ANKRD45: variants seen among roughly 807,000 people sequenced by gnomAD.
ANKRD45 encodes the protein ankyrin repeat domain 45.
Under a neutral mutation model 28.1 loss-of-function variants are expected in ANKRD45, and 21 were observed. That is an observed-to-expected ratio of 0.75 (90% CI 0.53 to 1.08). ANKRD45 has a LOEUF of 1.08. Ranked by LOEUF, ANKRD45 falls within the 50% of genes least tolerant of loss-of-function variation. The probability of loss-of-function intolerance (pLI) is 0.00; values close to 1 mark genes in which losing one functional copy is unlikely to be tolerated. For missense variants in ANKRD45, 261 were observed against 308.7 expected (o/e 0.85, Z 1.16); for synonymous variants, 86 against 103.9 (o/e 0.83, Z 1.05).
chr1:173,637,005 A>C, intron 3 of ANKRD45: 6 of 1,534,792 alleles, frequency 3.9e-6, no homozygotes, highest in Non-Finnish European at 5.2e-6. Flanking sequence ...TTAAAGAAGA[A>C]GAGTAAAGAA....
chr1:173,633,117 T>G (rs1037383802), intron 3 of ANKRD45, among the ~76,000 whole-genome samples: 3 of 151,894 alleles, frequency 2.0e-5, no homozygotes, highest in Non-Finnish European at 4.4e-5. Context: ...ACCAAACAAT[T>G]ATTAGAACTG....
chr1:173,627,156 G>A lies in ANKRD45; in HGVS notation c.500C>T (p.Ala167Val). Residue 167 changes from alanine (A) to valine (V), a missense_variant, in exon 4 of 6, where the codon GCA becomes GTA. Coordinates refer to ENST00000333279, the MANE Select transcript of ANKRD45 (RefSeq NM_198493.3). ...AATATATTTTTTCAGAGTCAGCCTT[G>A]CATCTGAAAGAATGGACAGAAACAC... is the stretch of plus-strand genomic sequence containing the variant. ...ECVEFLDWAD[A>V]RLTLKKYIAK... 2 of 1,604,686 alleles carry A rather than the reference G, an allele frequency of 1.2e-6. No individual in the cohort carries two copies. Among genetic ancestry groups the A allele is most frequent in the South Asian group, 2.2e-5 (2 of 90,826 alleles).
the ANKRD45 span, chr1:173,675,369 T>C: frequency 3.2e-6 from 1 of 312,812 alleles, no homozygotes; most frequent in Non-Finnish European, 6.3e-6. Flanking sequence ...TCCCAGCACT[T>C]TGGGAGGCCG....
chr1:173,713,958 C>A, the ANKRD45 span, among the ~76,000 whole-genome samples: 1 of 152,168 alleles, frequency 6.6e-6, no homozygotes, highest in African/African-American at 2.4e-5. Flanking sequence ...TCATCTGTAT[C>A]TGGGCAGCAG....
At chr1:173,611,277 C>A (rs2102304908) in intron 5 of ANKRD45, among the ~76,000 whole-genome samples, 2 of 152,248 alleles carry the variant, frequency 1.3e-5, no homozygotes, top group East Asian at 3.9e-4. Context: ...GATGCTTTAT[C>A]TTTATACTTA....
the ANKRD45 span, among the ~76,000 whole-genome samples, chr1:173,707,364 G>C: frequency 6.7e-6 from 1 of 150,012 alleles, no homozygotes; most frequent in Non-Finnish European, 1.5e-5. Context: ...ACAAAGCCTT[G>C]CTCTATCACC....
In ANKRD45 at chr1:173,659,152, T is replaced by C; in HGVS notation, c.267A>G (p.Gln89=). 6.2e-7 allele frequency: 1 copy of C among 1,614,168 alleles called. No individual in the cohort carries two copies. Among genetic ancestry groups the C allele is most frequent in the Non-Finnish European group, 8.5e-7 (1 of 1,180,018 alleles). Residue 89 remains glutamine (Q), a synonymous_variant, in exon 2 of 6, where the codon CAA becomes CAG. Transcript: ENST00000333279. Reference sequence around the variant, plus strand: ...TTGCCAAAGCTCTAATCACGTCACTTTGCCCAGCCATGCAAGCTGCATACA... The same window carrying C: ...TTGCCAAAGCTCTAATCACGTCACTCTGCCCAGCCATGCAAGCTGCATACA... ...NLLYAACMAG[Q]SDVIRALAKY... is the part of the protein sequence containing the mutation.
the ANKRD45 span, among the ~76,000 whole-genome samples, chr1:173,693,068 G>T: frequency 1.6e-4 from 24 of 152,264 alleles, 1 homozygote; most frequent in African/African-American, 3.9e-4. Context: ...GGGGGGCCGG[G>T]GGGGTGGATC....
the ANKRD45 span, among the ~76,000 whole-genome samples, chr1:173,687,836 C>T: frequency 6.6e-6 from 1 of 152,076 alleles, no homozygotes; most frequent in Non-Finnish European, 1.5e-5. Flanking sequence ...GTGTCTTCTT[C>T]CCTCAATCAC....
the ANKRD45 span, among the ~76,000 whole-genome samples, chr1:173,677,329 T>C: frequency 6.6e-6 from 1 of 152,288 alleles, no homozygotes; most frequent in Middle Eastern, 3.4e-3. Flanking sequence ...TCATAAGCTA[T>C]AACTTCCATA....
the ANKRD45 span, chr1:173,675,212 T>TA: frequency 1.9e-4 from 41 of 218,192 alleles, no homozygotes; most frequent in East Asian, 5.2e-4. Flanking sequence ...CGCAGGGCTT[T>TA]AAAAAAAAGT....
the ANKRD45 span, among the ~76,000 whole-genome samples, chr1:173,698,092 T>C: frequency 6.6e-6 from 1 of 151,978 alleles, no homozygotes; most frequent in Admixed American, 6.6e-5. Flanking sequence ...GGTAAAGGGA[T>C]CAATTCAACA....
chr1:173,611,020 G>A (rs182270059), intron 5 of ANKRD45, among the ~76,000 whole-genome samples: 17 of 152,102 alleles, frequency 1.1e-4, no homozygotes, highest in South Asian at 8.3e-4. Flanking sequence ...AAATAAAGCC[G>A]AAACTTCTAA....
chr1:173,627,023 T>C (rs2102327896), intron 4 of ANKRD45, 42 bp downstream of exon 4: 1 of 1,435,136 alleles, frequency 7.0e-7, no homozygotes, highest in Non-Finnish European at 9.6e-7. Context: ...AAGACAAAAT[T>C]CTCAAAACAC....
chr1:173,626,356 T>C (rs766699633), intron 4 of ANKRD45, among the ~76,000 whole-genome samples: 44 of 152,224 alleles, frequency 2.9e-4, no homozygotes, highest in African/African-American at 1.1e-3. Context: ...TGCTTAGATC[T>C]AGTACTTAGA....
chr1:173,673,545 A>G (rs1163652384), upstream of ANKRD45, among the ~76,000 whole-genome samples: 5 of 152,128 alleles, frequency 3.3e-5, no homozygotes, highest in Non-Finnish European at 7.3e-5. Flanking sequence ...TTGAAAGCCT[A>G]TTATATGCTG....
intron 2 of ANKRD45, among the ~76,000 whole-genome samples, chr1:173,654,255 T>C (rs902378530): frequency 1.3e-5 from 2 of 152,212 alleles, no homozygotes; most frequent in African/African-American, 4.8e-5. Context: ...TTTCCATGTT[T>C]AGTGCTTCCT....
intron 5 of ANKRD45, among the ~76,000 whole-genome samples, chr1:173,617,939 C>T (rs1388398167): frequency 6.6e-6 from 1 of 152,198 alleles, no homozygotes; most frequent in African/African-American, 2.4e-5. Flanking sequence ...AGGTTGTTGT[C>T]CTTGCTGTTT....
At chr1:173,635,272 G>A (rs1265111318) in intron 3 of ANKRD45, 2 of 384,478 alleles carry the variant, frequency 5.2e-6, no homozygotes, top group Non-Finnish European at 9.3e-6. Context: ...TGATGTCACT[G>A]AACTTATCCC....
Sources: allele counts gnomAD v4.1 joint callset (sites outside exome capture counted in the v4.1 genomes callset), GRCh38; gene constraint gnomAD v4.1.1; transcripts MANE v1.5; gene names NCBI Gene and HGNC (gene_info 2026-07-23, HGNC 2026-07-21).